Variants in PTPN2 observed in about 807,000 individuals in gnomAD.
The protein encoded by PTPN2 is tyrosine-protein phosphatase non-receptor type 2.
In PTPN2, 19 loss-of-function variants were observed where a neutral mutation model predicts 57.3. That is an observed-to-expected ratio of 0.33 (90% CI 0.23 to 0.49). The LOEUF (loss-of-function observed/expected upper bound fraction) is 0.49. Among genes scored for constraint, PTPN2 ranks in the 20% least tolerant of loss-of-function variants. The pLI is 0.99. For synonymous variants in PTPN2, 153 were observed against 164.9 expected (o/e 0.93, Z 0.55); for missense variants, 358 against 501.1 (o/e 0.71, Z 2.73).
Position 12,884,211 on chromosome 18 carries a change from G to T in PTPN2, c.-70C>A, listed in dbSNP as rs945331118. 1.6e-6 allele frequency: 2 copies of T among 1,271,800 alleles called. No homozygotes were observed. Among genetic ancestry groups the T allele is most frequent in the African/African-American group, 3.2e-5 (2 of 63,046 alleles). The allele number at this position is 1,271,800 out of a possible 1,614,324, so 78.8% of individuals were successfully genotyped here. ...GAGGCTCAGGCCCCGCACGATCCGG[G>T]GAGAGCGCTGGCGCTGCGGCGCATG... On this transcript the variant is annotated 5_prime_UTR_variant, in exon 1 of 9. Coordinates refer to ENST00000309660, the MANE Select transcript of PTPN2 (RefSeq NM_002828.4).
chr18:12,874,875 G>C (rs1242711042), intron 1 of PTPN2, among the ~76,000 whole-genome samples: 1 of 152,236 alleles, frequency 6.6e-6, no homozygotes, highest in Non-Finnish European at 1.5e-5. Context: ...GCAGGGAAAG[G>C]TGGGGAAAAG....
At chr18:12,875,792 G>T (rs1261965536) in intron 1 of PTPN2, among the ~76,000 whole-genome samples, 1 of 152,264 alleles carries the variant, frequency 6.6e-6, no homozygotes, top group Non-Finnish European at 1.5e-5. Flanking sequence ...GGAGTAGAGA[G>T]TGGACAGGTA....
chr18:12,851,924 T>C (rs1189343979), intron 2 of PTPN2, among the ~76,000 whole-genome samples: 1 of 152,128 alleles, frequency 6.6e-6, no homozygotes, highest in Non-Finnish European at 1.5e-5. Flanking sequence ...AGACAGTATG[T>C]CAAATGAAAT....
intron 1 of PTPN2, among the ~76,000 whole-genome samples, chr18:12,883,395 G>A (rs1022723301): frequency 6.6e-6 from 1 of 152,220 alleles, no homozygotes; most frequent in African/African-American, 2.4e-5. Flanking sequence ...TGAAGACGGA[G>A]GGTCCCGAGA....
chr18:12,877,741 G>A (rs2044536411), intron 1 of PTPN2, among the ~76,000 whole-genome samples: 1 of 152,258 alleles, frequency 6.6e-6, no homozygotes, highest in Admixed American at 6.5e-5. Flanking sequence ...GCCAGGCGCA[G>A]TGGCTCATGC....
chr18:12,875,927 G>C (rs894626429), intron 1 of PTPN2, among the ~76,000 whole-genome samples: 1 of 152,216 alleles, frequency 6.6e-6, no homozygotes. Flanking sequence ...GGGCTTTTAA[G>C]ATTCTGGTTG....
chr18:12,867,892 C>T (rs2044045832), intron 1 of PTPN2, among the ~76,000 whole-genome samples: 2 of 152,210 alleles, frequency 1.3e-5, no homozygotes, highest in South Asian at 2.1e-4. Context: ...ACCTGAATTA[C>T]AGCTGCCTCT....
intron 8 of PTPN2, among the ~76,000 whole-genome samples, chr18:12,800,121 C>G (rs2847298): frequency 0.29 from 43,381 of 151,952 alleles, 7,327 homozygotes; most frequent in Admixed American, 0.4. Context: ...AACACACACA[C>G]AGACCCCATA....
At chr18:12,827,957 C>G (rs779779044) in intron 4 of PTPN2, among the ~76,000 whole-genome samples, 4 of 151,902 alleles carry the variant, frequency 2.6e-5, no homozygotes, top group Non-Finnish European at 5.9e-5. Flanking sequence ...AAAACTGACC[C>G]AGAATGGCCA....
intron 2 of PTPN2, among the ~76,000 whole-genome samples, chr18:12,850,371 C>G (rs1220079250): frequency 6.6e-6 from 1 of 151,978 alleles, no homozygotes; most frequent in Non-Finnish European, 1.5e-5. Flanking sequence ...TGCCTGTACT[C>G]CCAGCTACTC....
At chr18:12,822,476 G>C (rs1402891072) in intron 5 of PTPN2, among the ~76,000 whole-genome samples, 1 of 152,164 alleles carries the variant, frequency 6.6e-6, no homozygotes, top group Non-Finnish European at 1.5e-5. Flanking sequence ...TGAAAGCCGA[G>C]ATGCAATCTC....
rs2042453834 is a variant in PTPN2, at chr18:12,826,260, AGG to A, written c.361-318_361-317del. Among the ~76,000 whole-genome samples, 3 of 152,102 alleles carry A rather than the reference AGG, an allele frequency of 2.0e-5. No individual in the cohort carries two copies. In the South Asian group the frequency reaches 6.2e-4, roughly 32 times the overall value. On this transcript the variant is annotated intron_variant, in intron 4 of 8. Coordinates refer to ENST00000309660, the MANE Select transcript of PTPN2 (RefSeq NM_002828.4). Reference sequence around the variant, plus strand: ...TCTACTAAAAATACAAAAACTAGCTAGGCGCGATGGCGGGCGCCTGTAATCCC... The same window carrying A: ...TCTACTAAAAATACAAAAACTAGCTACGCGATGGCGGGCGCCTGTAATCCC...
At chr18:12,864,689 C>T (rs1476357731) in intron 1 of PTPN2, among the ~76,000 whole-genome samples, 2 of 152,114 alleles carry the variant, frequency 1.3e-5, no homozygotes, top group Non-Finnish European at 2.9e-5. Context: ...TAAGCCACCG[C>T]GCCTGGCCTG....
intron 1 of PTPN2, among the ~76,000 whole-genome samples, 192 bp from the exon 2 acceptor site, chr18:12,859,446 G>A (rs563659087): frequency 3.7e-4 from 56 of 152,282 alleles, no homozygotes; most frequent in African/African-American, 1.3e-3. Flanking sequence ...CATTATATCT[G>A]TGAGGGATGA....
At chr18:12,873,889 T>C (rs1169148106) in intron 1 of PTPN2, among the ~76,000 whole-genome samples, 2 of 151,058 alleles carry the variant, frequency 1.3e-5, no homozygotes, top group African/African-American at 2.4e-5. Context: ...GGGGAGTGCC[T>C]TTGCCCCGCC....
At chr18:12,832,270 C>T (rs1022496807) in intron 3 of PTPN2, among the ~76,000 whole-genome samples, 2 of 152,130 alleles carry the variant, frequency 1.3e-5, no homozygotes, top group African/African-American at 4.8e-5. Flanking sequence ...GCACCCGCCA[C>T]CACACCTGGC....
At chr18:12,834,495 T>C (rs531452357) in intron 3 of PTPN2, among the ~76,000 whole-genome samples, 1 of 152,320 alleles carries the variant, frequency 6.6e-6, no homozygotes, top group African/African-American at 2.4e-5. Context: ...TTTCCTATTA[T>C]AATGTAAAAT....
At chr18:12,853,813 A>G (rs1419633990) in intron 2 of PTPN2, among the ~76,000 whole-genome samples, 1 of 152,228 alleles carries the variant, frequency 6.6e-6, no homozygotes, top group Non-Finnish European at 1.5e-5. Flanking sequence ...AAAGGGGTCA[A>G]TCTCCAAAAA....
chr18:12,828,552 C>T (rs1290230757), intron 4 of PTPN2, among the ~76,000 whole-genome samples: 1 of 152,134 alleles, frequency 6.6e-6, no homozygotes, highest in Non-Finnish European at 1.5e-5. Context: ...GTTTACATCT[C>T]TCATATCTTT....
Sources: allele counts gnomAD v4.1 joint callset (sites outside exome capture counted in the v4.1 genomes callset), GRCh38; gene constraint gnomAD v4.1.1; transcripts MANE v1.5; gene names NCBI Gene and HGNC (gene_info 2026-07-23, HGNC 2026-07-21).